The following ELF1 variants were observed in gnomAD, a reference collection of about 807,000 sequenced individuals.
ELF1 encodes E74 like ETS transcription factor 1.
In ELF1, 24 loss-of-function variants were observed where a neutral mutation model predicts 59.9. That is an observed-to-expected ratio of 0.40 (90% CI 0.29 to 0.56). ELF1 has a LOEUF of 0.56. Among genes scored for constraint, ELF1 ranks in the 20% least tolerant of loss-of-function variants. The pLI is 0.44. For synonymous variants in ELF1, 248 were observed against 266.2 expected, an observed-to-expected ratio of 0.93 and a Z score of 0.67; for missense variants, 627 against 742.2, an observed-to-expected ratio of 0.84 and a Z score of 1.80.
At chr13:40,971,411 C>A (rs1225366446) in intron 2 of ELF1, among the ~76,000 whole-genome samples, 1 of 152,218 alleles carries the variant, frequency 6.6e-6, no homozygotes, top group East Asian at 1.9e-4. Context: ...GCAGGCACCA[C>A]AACACCCAGC....
intron 1 of ELF1, among the ~76,000 whole-genome samples, chr13:41,014,284 T>C (rs1363205936): frequency 6.6e-6 from 1 of 152,124 alleles, no homozygotes; most frequent in East Asian, 1.9e-4. Context: ...ATAAAAATTG[T>C]TAAACCAATC....
At chr13:40,974,536 T>C (rs1024062259) in intron 2 of ELF1, among the ~76,000 whole-genome samples, 2 of 152,176 alleles carry the variant, frequency 1.3e-5, no homozygotes, top group African/African-American at 4.8e-5. Flanking sequence ...AAGAATTAAA[T>C]AGGATAATCC....
chr13:41,010,346 G>A (rs908453291), intron 1 of ELF1, among the ~76,000 whole-genome samples: 8 of 151,718 alleles, frequency 5.3e-5, no homozygotes, highest in Non-Finnish European at 2.9e-5. Context: ...ATTCTACATG[G>A]GAGGCTGAGG....
chr13:41,048,836 C>G (rs140559251), intron 1 of ELF1, among the ~76,000 whole-genome samples: 1 of 152,094 alleles, frequency 6.6e-6, no homozygotes, highest in African/African-American at 2.4e-5. Context: ...CTTTTCACAG[C>G]CAAACTTCCT....
At chr13:40,944,902 T>C (rs1401484075) in intron 5 of ELF1, among the ~76,000 whole-genome samples, 2 of 151,454 alleles carry the variant, frequency 1.3e-5, no homozygotes, top group Non-Finnish European at 2.9e-5. Flanking sequence ...ACAAGGTCAG[T>C]GACAATTTAT....
intron 1 of ELF1, among the ~76,000 whole-genome samples, chr13:41,032,219 A>ATTTC (rs1876193818): frequency 6.8e-6 from 1 of 148,126 alleles, no homozygotes; most frequent in Non-Finnish European, 1.5e-5. Context: ...TTATTTATTT[A>ATTTC]CTTTTTTTTT....
chr13:40,939,367 A>G (rs978592810), intron 8 of ELF1, among the ~76,000 whole-genome samples: 1 of 152,206 alleles, frequency 6.6e-6, no homozygotes, highest in East Asian at 1.9e-4. Flanking sequence ...ACAATTTAGT[A>G]TCTTTCAAAG....
chr13:40,933,190 G>T lies in ELF1; in HGVS notation c.*235C>A, dbSNP rs1869523756. On this transcript the variant is annotated 3_prime_UTR_variant, in exon 9 of 9. Coordinates refer to ENST00000239882, the MANE Select transcript of ELF1 (RefSeq NM_172373.4). The stretch of plus-strand genomic sequence containing the variant: ...AGCAACTGAAATAAAAATCTCAAAA[G>T]AATGTCTTCATAGTGTAAAATGCCT... 4.4e-6 allele frequency: 2 copies of T among 457,324 alleles called. No homozygotes were observed. The highest frequency in any genetic ancestry group is 7.5e-6 in the Non-Finnish European group (2 of 267,152). The allele number at this position is 457,324 out of a possible 1,614,324, so 28.3% of individuals were successfully genotyped here.
chr13:41,007,457 C>T (rs2138352600), intron 1 of ELF1, among the ~76,000 whole-genome samples: 1 of 152,206 alleles, frequency 6.6e-6, no homozygotes, highest in East Asian at 1.9e-4. Context: ...ATACCACTGC[C>T]AATTCCTTTT....
chr13:41,050,005 G>A (rs1460790887), intron 1 of ELF1, among the ~76,000 whole-genome samples: 2 of 152,030 alleles, frequency 1.3e-5, no homozygotes, highest in East Asian at 3.8e-4. Context: ...ACTGAAATTT[G>A]CTTTTTAAAA....
chr13:41,043,964 T>G (rs1204652148), intron 1 of ELF1, among the ~76,000 whole-genome samples: 1 of 152,212 alleles, frequency 6.6e-6, no homozygotes, highest in Non-Finnish European at 1.5e-5. Context: ...TGTGTCCTCT[T>G]TTATTTCATT....
intron 1 of ELF1, among the ~76,000 whole-genome samples, chr13:40,995,572 T>A (rs1203610314): frequency 6.6e-6 from 1 of 151,830 alleles, no homozygotes; most frequent in African/African-American, 2.4e-5. Flanking sequence ...CACATAAATA[T>A]AGTCAACCAT....
chr13:40,958,804 A>G lies in ELF1; in HGVS notation c.253+32T>C, dbSNP rs1223900552. ...AGGACACTGCCTAAAGCTGTGCTGC[A>G]GCAAGGTCCTACTGGATGGAGACAC... On this transcript the variant is annotated intron_variant, in intron 3 of 8. Coordinates refer to ENST00000239882, the MANE Select transcript of ELF1 (RefSeq NM_172373.4). 2.5e-6 allele frequency: 4 copies of G among 1,582,066 alleles called. No homozygotes were observed. In the East Asian group the frequency reaches 6.7e-5, roughly 26 times the overall value.
chr13:41,053,841 A>C (rs1009263631), intron 1 of ELF1, among the ~76,000 whole-genome samples: 5 of 152,200 alleles, frequency 3.3e-5, no homozygotes, highest in African/African-American at 1.2e-4. Flanking sequence ...CCTTCTAAAT[A>C]AGTAGCGTAA....
chr13:41,020,017 C>G (rs548827417), upstream of ELF1, among the ~76,000 whole-genome samples: 42 of 152,334 alleles, frequency 2.8e-4, no homozygotes, highest in African/African-American at 8.7e-4. Context: ...TTGGTACGAT[C>G]ATAGTTCATA....
chr13:40,979,927 C>T (rs966516082), intron 2 of ELF1, among the ~76,000 whole-genome samples: 3 of 152,056 alleles, frequency 2.0e-5, no homozygotes, highest in African/African-American at 4.8e-5. Context: ...ACAAATGGCA[C>T]GTTATTGCTT....
At position 41,043,546 on chromosome 13, in the gene ELF1, T is replaced by C. The variant is rs541210181; in HGVS notation, c.-229+17292A>G. 2.9e-3 allele frequency among the ~76,000 whole-genome samples: 448 copies of C among 152,336 alleles called. 3 individuals are homozygous for C. Among genetic ancestry groups the C allele is most frequent in the African/African-American group, 0.01 (427 of 41,586 alleles). ...TGTCTAGCCAGTTTTCCCAGCACCA[T>C]TTATTAAATAGGGAATCCTTTCCCC... On this transcript the variant is annotated intron_variant, in intron 1 of 1. Coordinates refer to the ELF1 transcript ENST00000405737.
At chr13:40,944,755 A>C (rs1870401810) in intron 5 of ELF1, among the ~76,000 whole-genome samples, 1 of 152,196 alleles carries the variant, frequency 6.6e-6, no homozygotes, top group Non-Finnish European at 1.5e-5. Context: ...GAAACAATGA[A>C]GAGTTACTAC....
intron 2 of ELF1, among the ~76,000 whole-genome samples, chr13:40,976,218 C>T (rs1402123400): frequency 6.6e-6 from 1 of 152,194 alleles, no homozygotes; most frequent in African/African-American, 2.4e-5. Flanking sequence ...GTGAAACAGG[C>T]ACACTGTGAA....
Sources: allele counts gnomAD v4.1 joint callset (sites outside exome capture counted in the v4.1 genomes callset), GRCh38; gene constraint gnomAD v4.1.1; transcripts MANE v1.5; gene names NCBI Gene and HGNC (gene_info 2026-07-23, HGNC 2026-07-21).